The following RNF145 variants were observed in gnomAD, a reference collection of about 807,000 sequenced individuals.
RNF145 encodes the protein ring finger protein 145.
Under a neutral mutation model 57.3 loss-of-function variants are expected in RNF145, and 12 were observed. The observed-to-expected ratio is 0.21, with a 90% CI of 0.13 to 0.34. The LOEUF is 0.34. Ranked by LOEUF, RNF145 falls within the 10% of genes least tolerant of loss-of-function variation. The pLI is 1.00. For synonymous variants in RNF145, 262 were observed against 288.3 expected (o/e 0.91, Z 0.92); for missense variants, 429 against 799.0 (o/e 0.54, Z 5.58).
chr5:159,162,748 T>C (rs1784271622), intron 9 of RNF145, among the ~76,000 whole-genome samples, 184 bp downstream of exon 9: 1 of 152,204 alleles, frequency 6.6e-6, no homozygotes, highest in South Asian at 2.1e-4. Context: ...TATGTAATAT[T>C]TTCATAACCT....
intron 3 of RNF145, among the ~76,000 whole-genome samples, chr5:159,186,097 T>C (rs1785044609): frequency 6.6e-6 from 1 of 152,114 alleles, no homozygotes; most frequent in African/African-American, 2.4e-5. Context: ...GGCGTGGTAA[T>C]GCCTATAGTC....
At chr5:159,202,498 C>T (rs1423051717) in intron 2 of RNF145, among the ~76,000 whole-genome samples, 3 of 152,176 alleles carry the variant, frequency 2.0e-5, no homozygotes, top group African/African-American at 7.2e-5. Context: ...CTACATCATA[C>T]TTCTTTCCAC....
chr5:159,161,497 C>T lies in RNF145; in HGVS notation c.1395G>A (p.Val465=). Residue 465 remains valine (V), a synonymous_variant, in exon 10 of 11, where the codon GTG becomes GTA. Coordinates refer to ENST00000424310, the MANE Select transcript of RNF145 (RefSeq NM_001199383.2). ...CGCCATAGGCCACCACACAGAGGGC[C>T]ACAAGAAACTCCAGCAGGCGGTAAG... ...NGTYRLLEFL[V]ALCVVAYGVS... 1 of 1,614,072 alleles carries T rather than the reference C, an allele frequency of 6.2e-7. No individual in the cohort carries two copies.
intron 8 of RNF145, among the ~76,000 whole-genome samples, chr5:159,168,640 G>A (rs986187852): frequency 6.6e-6 from 1 of 151,750 alleles, no homozygotes; most frequent in Non-Finnish European, 1.5e-5. Context: ...ATAATTACAT[G>A]GCCTTTGATG....
chr5:159,190,975 G>A (rs1026420768), intron 3 of RNF145, among the ~76,000 whole-genome samples: 57 of 151,898 alleles, frequency 3.8e-4, no homozygotes, highest in African/African-American at 1.3e-3. Context: ...TCCATGAGAT[G>A]GCATTGTCTA....
intron 3 of RNF145, among the ~76,000 whole-genome samples, chr5:159,183,914 CTGCACAACATTA>C (rs1784977201): frequency 1.3e-5 from 2 of 152,296 alleles, no homozygotes; most frequent in East Asian, 1.9e-4. Flanking sequence ...AAGGTGACAG[CTGCACAACATTA>C]TGAATGTACT....
chr5:159,183,277 C>T (rs1188251872), intron 3 of RNF145, among the ~76,000 whole-genome samples: 1 of 152,178 alleles, frequency 6.6e-6, no homozygotes, highest in East Asian at 1.9e-4. Context: ...GGTTGTCAAC[C>T]AAGGGGCAAT....
chr5:159,195,592 C>T (rs1004784906), intron 2 of RNF145, among the ~76,000 whole-genome samples: 1 of 152,180 alleles, frequency 6.6e-6, no homozygotes, highest in Non-Finnish European at 1.5e-5. Context: ...ACCATCAAAA[C>T]GTTGTTACTC....
upstream of RNF145, chr5:159,209,749 A>T: frequency 1.7e-6 from 2 of 1,207,710 alleles, no homozygotes; most frequent in East Asian, 2.5e-5. Flanking sequence ...GGAGAGGCGT[A>T]CTGCAGAGAC....
rs1786024722 is a variant in RNF145, at chr5:159,209,407, G to A, written c.-216C>T. The stretch of plus-strand genomic sequence containing the variant: ...CTCGGATGTTGCTTCTGGGGAGGCG[G>A]AGGCAGCGGCAGCGGCAGCGGCCCG... On this transcript the variant is annotated 5_prime_UTR_variant, in exon 1 of 11. Coordinates refer to ENST00000424310, the MANE Select transcript of RNF145 (RefSeq NM_001199383.2). The A allele has an allele frequency of 3.1e-6, 3 of 981,876 alleles. No homozygotes were observed. The highest frequency in any genetic ancestry group is 9.1e-5 in the South Asian group (2 of 21,954). The allele number at this position is 981,876 out of a possible 1,614,324, so 60.8% of individuals were successfully genotyped here.
intron 4 of RNF145, 141 bp from the exon 5 acceptor site, chr5:159,177,008 CAAACTT>C: frequency 1.7e-6 from 1 of 581,338 alleles, no homozygotes; most frequent in Non-Finnish European, 3.1e-6. Flanking sequence ...TATTTTAAAT[CAAACTT>C]AAACTTCATC....
At chr5:159,181,750 T>A (rs147484833) in intron 4 of RNF145, among the ~76,000 whole-genome samples, 1 of 151,448 alleles carries the variant, frequency 6.6e-6, no homozygotes, top group Non-Finnish European at 1.5e-5. Context: ...CTGTGCACTA[T>A]GTACAATATG....
chr5:159,191,120 G>A (rs577283731), intron 3 of RNF145, among the ~76,000 whole-genome samples: 54 of 149,578 alleles, frequency 3.6e-4, no homozygotes, highest in African/African-American at 1.2e-3. Flanking sequence ...CATGTTTTAA[G>A]AAAGTTCACG....
chr5:159,203,847 C>T (rs924355583), intron 1 of RNF145, among the ~76,000 whole-genome samples, 191 bp from the exon 2 acceptor site: 1 of 152,112 alleles, frequency 6.6e-6, no homozygotes, highest in Non-Finnish European at 1.5e-5. Context: ...CACATTGACC[C>T]ATTCAGTTCT....
upstream of RNF145, chr5:159,209,752 G>T: frequency 8.0e-7 from 1 of 1,248,610 alleles, no homozygotes; most frequent in Non-Finnish European, 1.1e-6. Context: ...GAGGCGTACT[G>T]CAGAGACACC....
intron 10 of RNF145, among the ~76,000 whole-genome samples, chr5:159,160,940 C>T (rs561280737): frequency 3.9e-5 from 6 of 152,294 alleles, no homozygotes; most frequent in African/African-American, 1.4e-4. Context: ...GCTGACCCCT[C>T]ATGGATAGTA....
At chr5:159,204,632 C>T (rs1027219920) in intron 1 of RNF145, among the ~76,000 whole-genome samples, 2 of 151,798 alleles carry the variant, frequency 1.3e-5, no homozygotes, top group Admixed American at 1.3e-4. Context: ...GGTGAAACTC[C>T]GTCTGTACTA....
intron 3 of RNF145, among the ~76,000 whole-genome samples, chr5:159,182,670 T>C (rs764320513): frequency 6.6e-6 from 1 of 152,146 alleles, no homozygotes; most frequent in South Asian, 2.1e-4. Context: ...ATTTAACTCA[T>C]TTAACGTGTG....
upstream of RNF145, chr5:159,209,826 G>A (rs1456783789): frequency 6.5e-7 from 1 of 1,534,522 alleles, no homozygotes; most frequent in Non-Finnish European, 8.7e-7. Context: ...AACACCACGG[G>A]CCGCAAGCGC....
Sources: allele counts gnomAD v4.1 joint callset (sites outside exome capture counted in the v4.1 genomes callset), GRCh38; gene constraint gnomAD v4.1.1; transcripts MANE v1.5; gene names NCBI Gene and HGNC (gene_info 2026-07-23, HGNC 2026-07-21).